RCC2: variants seen among roughly 807,000 people sequenced by gnomAD.
RCC2 encodes protein RCC2.
A neutral mutation model predicts 64.1 loss-of-function variants in RCC2; 19 were observed. That is an observed-to-expected ratio of 0.30 (90% CI 0.21 to 0.44). The LOEUF (loss-of-function observed/expected upper bound fraction) is 0.44. Among genes scored for constraint, RCC2 ranks in the 20% least tolerant of loss-of-function variants. RCC2 has a pLI of 1.00. For synonymous variants in RCC2, 325 were observed against 279.6 expected (o/e 1.16, Z -1.62); for missense variants, 508 against 710.4 (o/e 0.72, Z 3.24).
chr1:17,420,725 T>C lies in RCC2; in HGVS notation c.848A>G (p.Tyr283Cys), dbSNP rs2075546930. 1 of 1,599,568 alleles carries C rather than the reference T, an allele frequency of 6.3e-7. No individual in the cohort carries two copies. Among genetic ancestry groups the C allele is most frequent in the Non-Finnish European group, 8.5e-7 (1 of 1,174,842 alleles). Residue 283 changes from tyrosine (Y) to cysteine (C), a missense_variant, in exon 7 of 13, where the codon TAT becomes TGT. By Grantham distance (194) the Tyr-to-Cys change is radical (BLOSUM62 -2). Coordinates refer to ENST00000375436, the MANE Select transcript of RCC2 (RefSeq NM_018715.4). Reference protein sequence around the residue: ...GNLYSFGCPEYGQLGHNSDGK... With the variant: ...GNLYSFGCPECGQLGHNSDGK... ...ATGTACTTCCATACCCAGCTGACCA[T>C]ATTCAGGGCACCCAAAGGAATAGAG... is the stretch of plus-strand genomic sequence containing the variant.
At chr1:17,413,239 C>CA in intron 9 of RCC2, 61 bp from the exon 10 acceptor site, 3 of 1,190,016 alleles carry the variant, frequency 2.5e-6, no homozygotes, top group Non-Finnish European at 3.7e-6. Context: ...GTCTCATCTT[C>CA]AGTATTATCA....
chr1:17,438,775 A>AC lies in RCC2; in HGVS notation c.-8-254dup, dbSNP rs1429510070. Among the ~76,000 whole-genome samples, 4 of 151,822 alleles carry AC rather than the reference A, an allele frequency of 2.6e-5. No homozygotes were observed. The South Asian group carries it at 6.2e-4, about 24-fold the overall frequency. On this transcript the variant is annotated intron_variant, in intron 1 of 12. Transcript: ENST00000375436. Reference sequence around the variant, plus strand: ...GCAATCCCCTGGAGGGAGAATTGAGACCCCCGGCCTATCCGTAAGTTAGGT... The same window carrying AC: ...GCAATCCCCTGGAGGGAGAATTGAGACCCCCCGGCCTATCCGTAAGTTAGGT...
At chr1:17,429,235 G>A in intron 2 of RCC2, 36 bp from the exon 3 acceptor site, 2 of 1,531,930 alleles carry the variant, frequency 1.3e-6, no homozygotes, top group South Asian at 2.2e-5. Flanking sequence ...GAATTAGTGT[G>A]TAAGTCTGCA....
chr1:17,428,814 T>G lies in RCC2; in HGVS notation c.379+292A>C, dbSNP rs190200979. Reference sequence around the variant, plus strand: ...GTCTCTTCATTTTAATGAAAACAAGTGAGGTGAGAGGGAAGATGGAAAAGG... The same window carrying G: ...GTCTCTTCATTTTAATGAAAACAAGGGAGGTGAGAGGGAAGATGGAAAAGG... On this transcript the variant is annotated intron_variant, in intron 3 of 12. Coordinates refer to ENST00000375436, the MANE Select transcript of RCC2 (RefSeq NM_018715.4). 7.8e-4 allele frequency among the ~76,000 whole-genome samples: 118 copies of G among 152,238 alleles called. 1 individual carries two copies. Among genetic ancestry groups the G allele is most frequent in the African/African-American group, 2.7e-3 (114 of 41,540 alleles).
chr1:17,409,293 G>T, intron 12 of RCC2, 99 bp from the exon 13 acceptor site: 1 of 792,974 alleles, frequency 1.3e-6, no homozygotes, highest in Non-Finnish European at 2.2e-6. Flanking sequence ...GGGTCAGCAT[G>T]GAGAAAAACA....
chr1:17,421,692 G>A (rs113695619), intron 6 of RCC2, among the ~76,000 whole-genome samples: 3,934 of 152,260 alleles, frequency 0.026, 66 homozygotes, highest in Middle Eastern at 0.092. Flanking sequence ...AATGTTTTCA[G>A]GATGGTTTTC....
chr1:17,418,082 G>C (rs2075508522), intron 7 of RCC2, among the ~76,000 whole-genome samples: 2 of 152,040 alleles, frequency 1.3e-5, no homozygotes, highest in South Asian at 4.1e-4. Context: ...TATCCACAGG[G>C]GGTACTGGAA....
In RCC2 at chr1:17,438,296, C is replaced by T; in HGVS notation, c.219G>A (p.Ala73=). 1 of 1,252,682 alleles carries T rather than the reference C, an allele frequency of 8.0e-7. No homozygotes were observed. Among genetic ancestry groups the T allele is most frequent in the East Asian group, 4.3e-5 (1 of 23,350 alleles). The allele number at this position is 1,252,682 out of a possible 1,614,324, so 77.6% of individuals were successfully genotyped here. Residue 73 remains alanine, a synonymous_variant, in exon 2 of 13, where the codon GCG becomes GCA. Coordinates refer to ENST00000375436, the MANE Select transcript of RCC2 (RefSeq NM_018715.4). ...PGGGKRAARP[A]TAGKAGGAAV... ...CCGCGCCGCCCGCCTTGCCTGCTGT[C>T]GCCGGCCGCGCCGCGCGCTTGCCCC... is the stretch of plus-strand genomic sequence containing the variant.
In RCC2 at chr1:17,413,764, GGC is replaced by G. The variant is rs780967064; in HGVS notation, c.1027-49_1027-48del. On this transcript the variant is annotated intron_variant, in intron 8 of 12. Transcript: ENST00000375436. ...GGTTGGAACAAACAGACTTCCAACAGGCAACAAGAGGGGTCATCGTTTCTGTG... is the reference window on the plus strand; with the variant it reads ...GGTTGGAACAAACAGACTTCCAACAGAACAAGAGGGGTCATCGTTTCTGTG... 11 of 1,519,444 alleles carry G rather than the reference GGC, an allele frequency of 7.2e-6. 1 individual carries two copies. In the South Asian group the frequency reaches 1.3e-4, roughly 18 times the overall value. The allele number at this position is 1,519,444 out of a possible 1,614,324, so 94.1% of individuals were successfully genotyped here. A position where few individuals can be genotyped will look rare whatever the true frequency, so the allele number is the denominator to read the frequency against.
chr1:17,407,697 G>T lies in RCC2; in HGVS notation c.*1393C>A, dbSNP rs2075377316. 6.6e-6 allele frequency: 1 copy of T among 152,372 alleles called. No homozygotes were observed. The highest frequency in any genetic ancestry group is 1.5e-5 in the Non-Finnish European group (1 of 68,008). The allele number at this position is 152,372 out of a possible 1,614,324, so 9.4% of individuals were successfully genotyped here. A position where few individuals can be genotyped will look rare whatever the true frequency, so the allele number is the denominator to read the frequency against. On this transcript the variant is annotated 3_prime_UTR_variant, in exon 13 of 13. Coordinates refer to ENST00000375436, the MANE Select transcript of RCC2 (RefSeq NM_018715.4). ...TTTAACATGGAGACAGTGACAAGTG[G>T]TAACAAAGCAAAAGAAAAAAAAAAC...
At chr1:17,423,418 T>A (rs766028342) in intron 4 of RCC2, among the ~76,000 whole-genome samples, 1 of 152,192 alleles carries the variant, frequency 6.6e-6, no homozygotes, top group South Asian at 2.1e-4. Context: ...ACAGGAACCC[T>A]GGTGACAAAG....
rs200016996 is a variant in RCC2, at chr1:17,413,550, A to G, written c.1194T>C (p.Ala398=). The G allele has an allele frequency of 1.6e-5, 26 of 1,614,024 alleles. No homozygotes were observed. In the African/African-American group the frequency reaches 2.3e-4, roughly 14 times the overall value. ...GAAATCACTAACCCACTTCACTGAC[A>G]GCAAAGGAGCAGGTGTAACCAGCAT... ...QIYAGYTCSF[A]VSEVGGLFFW... The change falls in exon 9 of 13, where the codon GCT becomes GCC. Residue 398 remains alanine, a synonymous_variant. Transcript: ENST00000375436.
chr1:17,420,876 A>T (rs2075548516), intron 6 of RCC2, 48 bp from the exon 7 acceptor site: 1 of 1,261,558 alleles, frequency 7.9e-7, no homozygotes, highest in Non-Finnish European at 1.1e-6. Flanking sequence ...AGACTGATAA[A>T]AAGCCTCTAC....
chr1:17,428,337 G>A (rs1003032817), intron 3 of RCC2, among the ~76,000 whole-genome samples: 5 of 152,206 alleles, frequency 3.3e-5, no homozygotes, highest in South Asian at 2.1e-4. Flanking sequence ...CAAACAACGC[G>A]CTGCTGCTAC....
intron 3 of RCC2, among the ~76,000 whole-genome samples, chr1:17,426,082 C>T (rs1412339503): frequency 6.6e-6 from 1 of 152,130 alleles, no homozygotes; most frequent in Non-Finnish European, 1.5e-5. Flanking sequence ...TTTCCACAGC[C>T]GTCAGCTGAG....
chr1:17,420,585 A>G, intron 7 of RCC2, 129 bp downstream of exon 7: 1 of 538,204 alleles, frequency 1.9e-6, no homozygotes, highest in Non-Finnish European at 3.3e-6. Flanking sequence ...AGATCCACTT[A>G]ACGGACAAAG....
intron 8 of RCC2, 132 bp from the exon 9 acceptor site, chr1:17,413,849 C>G: frequency 1.2e-6 from 1 of 833,160 alleles, no homozygotes; most frequent in East Asian, 2.6e-5. Flanking sequence ...AGATCCCCTA[C>G]CAGCCGGGCA....
At chr1:17,416,418 G>T in intron 8 of RCC2, 62 bp downstream of exon 8, 2 of 1,527,786 alleles carry the variant, frequency 1.3e-6, no homozygotes, top group African/African-American at 2.7e-5. Context: ...CAGGAAACTT[G>T]AGCATAAACA....
chr1:17,433,019 T>TAC (rs1384262840), intron 2 of RCC2, among the ~76,000 whole-genome samples: 5 of 152,134 alleles, frequency 3.3e-5, no homozygotes, highest in East Asian at 1.9e-4. Context: ...CACACATATA[T>TAC]ATACACACAC....
Sources: allele counts gnomAD v4.1 joint callset (sites outside exome capture counted in the v4.1 genomes callset), GRCh38; gene constraint gnomAD v4.1.1; transcripts MANE v1.5; gene names NCBI Gene and HGNC (gene_info 2026-07-23, HGNC 2026-07-21).